JMJD1C: variants seen among roughly 807,000 people sequenced by gnomAD.
JMJD1C encodes jumonji domain containing 1C, also known as jumonji domain-containing protein 1C.
A neutral mutation model predicts 245.3 loss-of-function variants in JMJD1C; 31 were observed. That is an observed-to-expected ratio of 0.13 (90% CI 0.09 to 0.17). JMJD1C has a LOEUF of 0.17. Among genes scored for constraint, JMJD1C ranks in the 10% least tolerant of loss-of-function variants. The pLI is 1.00. For synonymous variants in JMJD1C, 1,057 were observed against 1,017.4 expected, an observed-to-expected ratio of 1.04 and a Z score of -0.74; for missense variants, 2,691 against 3,000.2, an observed-to-expected ratio of 0.90 and a Z score of 2.41.
chr10:63,244,768 T>G (rs1201896355), intron 3 of JMJD1C, among the ~76,000 whole-genome samples: 1 of 128,280 alleles, frequency 7.8e-6, no homozygotes, highest in Non-Finnish European at 1.6e-5. Flanking sequence ...CGCCACTGCA[T>G]TCCACATCAC....
At chr10:63,210,570 A>G (rs114687223) in intron 8 of JMJD1C, among the ~76,000 whole-genome samples, 1 of 152,146 alleles carries the variant, frequency 6.6e-6, no homozygotes, top group Non-Finnish European at 1.5e-5. Context: ...AGTTACTTAA[A>G]TCTGTTTTCA....
At chr10:63,356,020 G>C (rs1944813355) in intron 2 of JMJD1C, among the ~76,000 whole-genome samples, 1 of 152,238 alleles carries the variant, frequency 6.6e-6, no homozygotes, top group East Asian at 1.9e-4. Flanking sequence ...ACTTCTTGTA[G>C]TCCAATGTGA....
At chr10:63,254,200 A>C (rs372681436) in intron 3 of JMJD1C, among the ~76,000 whole-genome samples, 15 of 152,338 alleles carry the variant, frequency 9.8e-5, no homozygotes, top group East Asian at 5.8e-4. Context: ...AAAACAAACA[A>C]ACAAACAAAC....
chr10:63,486,904 T>G (rs1419023778), intron 1 of JMJD1C, among the ~76,000 whole-genome samples: 1 of 152,184 alleles, frequency 6.6e-6, no homozygotes, highest in Non-Finnish European at 1.5e-5. Flanking sequence ...GTACCTTACA[T>G]GATTTCTATC....
intron 1 of JMJD1C, among the ~76,000 whole-genome samples, chr10:63,396,192 TATATAC>T (rs60162205): frequency 0.022 from 3,273 of 152,200 alleles, 119 homozygotes; most frequent in African/African-American, 0.073. Context: ...AATGATGATA[TATATAC>T]AGAGAGATTA....
chr10:63,191,260 T>C (rs1196806407), intron 16 of JMJD1C, 152 bp from the exon 17 acceptor site: 2 of 618,560 alleles, frequency 3.2e-6, no homozygotes, highest in Admixed American at 5.7e-5. Flanking sequence ...GCTTCCCAAG[T>C]AGCTGGGACT....
intron 2 of JMJD1C, among the ~76,000 whole-genome samples, chr10:63,291,482 G>A (rs1443454523): frequency 1.3e-5 from 2 of 151,598 alleles, no homozygotes; most frequent in Middle Eastern, 3.4e-3. Flanking sequence ...AGGTGTGGTG[G>A]CAGGCGACTG....
chr10:63,418,587 C>T (rs1224103728), intron 1 of JMJD1C, among the ~76,000 whole-genome samples: 1 of 152,166 alleles, frequency 6.6e-6, no homozygotes, highest in Non-Finnish European at 1.5e-5. Context: ...ATTTTCTATG[C>T]ACTTATGTAT....
At chr10:63,256,574 T>G (rs1195119421) in intron 3 of JMJD1C, among the ~76,000 whole-genome samples, 1 of 152,224 alleles carries the variant, frequency 6.6e-6, no homozygotes, top group African/African-American at 2.4e-5. Context: ...TTAGCTCTAC[T>G]ATTGCAAGCT....
intron 1 of JMJD1C, among the ~76,000 whole-genome samples, chr10:63,473,987 G>A (rs1325467324): frequency 6.6e-6 from 1 of 151,918 alleles, no homozygotes; most frequent in Non-Finnish European, 1.5e-5. Flanking sequence ...ACGTTGCAGT[G>A]AGCCGAGATT....
intron 1 of JMJD1C, among the ~76,000 whole-genome samples, chr10:63,400,482 AT>A (rs1170772135): frequency 6.6e-6 from 1 of 151,958 alleles, no homozygotes; most frequent in Non-Finnish European, 1.5e-5. Context: ...AGTTTGGTTC[AT>A]TTTTTCCCGC....
chr10:63,207,859 C>G lies in JMJD1C; in HGVS notation c.3810G>C (p.Gln1270His). ...TAGGTCTCCACATCTCCGTCAAACT[C>G]TGTTCTGAAGAACTCTTAAAATTTG... is the stretch of plus-strand genomic sequence containing the variant. ...SQANFKSSSE[Q>H]SLTEMWRPNN... The change falls in exon 10 of 26, where the codon CAG (glutamine) becomes CAC (histidine). Residue 1270 changes from glutamine to histidine, a missense_variant. Gln to His is a conservative substitution (Grantham distance 24). This residue lies in a region of JMJD1C where 1,562 missense variants were observed against 1,490.7 expected (regional missense o/e 1.05). Coordinates refer to ENST00000399262, the MANE Select transcript of JMJD1C (RefSeq NM_032776.3). 12 of 1,614,176 alleles carry G rather than the reference C, an allele frequency of 7.4e-6. No homozygotes were observed. The highest frequency in any genetic ancestry group is 1.0e-5 in the Non-Finnish European group (12 of 1,180,018).
intron 2 of JMJD1C, among the ~76,000 whole-genome samples, chr10:63,336,540 C>CT (rs1942751471): frequency 1.3e-5 from 2 of 152,130 alleles, no homozygotes; most frequent in Non-Finnish European, 2.9e-5. Flanking sequence ...GTTTCCACAT[C>CT]ACGATCCCTA....
intron 2 of JMJD1C, among the ~76,000 whole-genome samples, chr10:63,287,424 A>G (rs1447665529): frequency 2.0e-5 from 3 of 152,244 alleles, no homozygotes; most frequent in Non-Finnish European, 2.9e-5. Context: ...TTAAAGACAT[A>G]CCATTCAGAA....
chr10:63,377,435 TTAAAAAATTTAGCA>T (rs1440079286), intron 2 of JMJD1C, among the ~76,000 whole-genome samples: 1 of 152,142 alleles, frequency 6.6e-6, no homozygotes, highest in Non-Finnish European at 1.5e-5. Flanking sequence ...AAAATTTTTA[TTAAAAAATTTAGCA>T]GAGGGCCGGG....
chr10:63,489,988 G>T (rs1207625841), intron 1 of JMJD1C, among the ~76,000 whole-genome samples: 1 of 152,188 alleles, frequency 6.6e-6, no homozygotes, highest in African/African-American at 2.4e-5. Flanking sequence ...TCTCACAGGA[G>T]GACACTGTGA....
At chr10:63,283,725 T>C (rs995680996) in intron 2 of JMJD1C, among the ~76,000 whole-genome samples, 1 of 152,180 alleles carries the variant, frequency 6.6e-6, no homozygotes, top group Admixed American at 6.5e-5. Context: ...AGAATCATTC[T>C]TCCTGCTTCC....
chr10:63,462,396 T>C (rs1952855997), intron 1 of JMJD1C, among the ~76,000 whole-genome samples: 1 of 152,246 alleles, frequency 6.6e-6, no homozygotes, highest in Admixed American at 6.5e-5. Context: ...ATGTTCATAT[T>C]GTACAAGAAA....
chr10:63,423,674 G>A (rs1950261643), intron 1 of JMJD1C, among the ~76,000 whole-genome samples: 1 of 152,154 alleles, frequency 6.6e-6, no homozygotes, highest in Admixed American at 6.5e-5. Flanking sequence ...TGAAATTGCT[G>A]AGTCATATGG....
Sources: gnomAD v4.1 joint callset for allele counts (sites outside exome capture counted in the v4.1 genomes callset) on GRCh38, gnomAD v4.1.1 for gene constraint, gnomAD v4.1.1 regional missense constraint, MANE v1.5 for transcripts, NCBI Gene and HGNC (gene_info 2026-07-23, HGNC 2026-07-21) for gene names.